The following PLPP1 variants were observed in gnomAD, a reference collection of about 807,000 sequenced individuals.
PLPP1 encodes lipid phosphate phosphohydrolase 1a.
Under a neutral mutation model 31.2 loss-of-function variants are expected in PLPP1, and 24 were observed. The observed-to-expected ratio is 0.77, with a 90% CI of 0.56 to 1.08. PLPP1 has a LOEUF of 1.08. Ranked by LOEUF, PLPP1 falls within the 50% of genes least tolerant of loss-of-function variation. The pLI is 0.00. For synonymous variants in PLPP1, 146 were observed against 126.3 expected (o/e 1.16, Z -1.05); for missense variants, 319 against 342.7 (o/e 0.93, Z 0.55).
chr5:55,503,557 C>T (rs536746686), intron 1 of PLPP1, among the ~76,000 whole-genome samples: 29 of 151,130 alleles, frequency 1.9e-4, no homozygotes, highest in African/African-American at 6.6e-4. Flanking sequence ...AGGCAGATCA[C>T]CTGAGGTCAG....
At chr5:55,481,822 C>G (rs2111827757) in intron 1 of PLPP1, among the ~76,000 whole-genome samples, 1 of 152,092 alleles carries the variant, frequency 6.6e-6, no homozygotes, top group South Asian at 2.1e-4. Flanking sequence ...AGAATCAGTA[C>G]TTTCCACAAT....
At chr5:55,469,330 A>G (rs1428691775) in intron 2 of PLPP1, among the ~76,000 whole-genome samples, 1 of 151,934 alleles carries the variant, frequency 6.6e-6, no homozygotes, top group Non-Finnish European at 1.5e-5. Context: ...TCTACTAAAA[A>G]TACAAAAAAT....
intron 3 of PLPP1, among the ~76,000 whole-genome samples, chr5:55,442,711 A>G (rs1751652524): frequency 6.6e-6 from 1 of 152,054 alleles, no homozygotes; most frequent in South Asian, 2.1e-4. Context: ...TTTCCCACCA[A>G]ATTCAGTGCT....
At position 55,475,408 on chromosome 5, in the gene PLPP1, A is replaced by G; in HGVS notation, c.101T>C (p.Phe34Ser). The G allele has an allele frequency of 6.2e-7, 1 of 1,612,812 alleles. No individual in the cohort carries two copies. Among genetic ancestry groups the G allele is most frequent in the Non-Finnish European group, 8.5e-7 (1 of 1,179,362 alleles). Reference sequence around the variant, plus strand: ...ATCATTACAGAATACTCCTCGTTGGAAGGGGGTATGCCTTGAAGTAAGAAT... The same window carrying G: ...ATCATTACAGAATACTCCTCGTTGGGAGGGGGTATGCCTTGAAGTAAGAAT... ...FAILTSRHTPFQRGVFCNDES... is the reference protein window; with the variant it reads ...FAILTSRHTPSQRGVFCNDES... Residue 34 changes from phenylalanine (F) to serine (S), a missense_variant, in exon 2 of 6, where the codon TTC (phenylalanine) becomes TCC (serine). Phe to Ser is a radical substitution (Grantham distance 155). Coordinates refer to ENST00000307259, the MANE Select transcript of PLPP1 (RefSeq NM_003711.4).
chr5:55,478,033 G>A (rs926085079), intron 1 of PLPP1, among the ~76,000 whole-genome samples: 6 of 151,424 alleles, frequency 4.0e-5, no homozygotes, highest in South Asian at 2.1e-4. Context: ...AATAGGATTC[G>A]AGTCCAAAAC....
Position 55,424,872 on chromosome 5 carries a change from T to C in PLPP1, c.*334A>G. The C allele has an allele frequency of 1.3e-6, 1 of 798,996 alleles. No individual in the cohort carries two copies. The highest frequency in any genetic ancestry group is 2.1e-6 in the Non-Finnish European group (1 of 475,082). 49.5% of individuals were successfully genotyped at this position (798,996 alleles called of 1,614,324 possible). ...GTGTGGATTTGGTTCTCCCATACAT[T>C]TTAATATGTATTATATTTAAATCAA... On this transcript the variant is annotated 3_prime_UTR_variant, in exon 6 of 6. Coordinates refer to ENST00000307259, the MANE Select transcript of PLPP1 (RefSeq NM_003711.4).
intron 4 of PLPP1, among the ~76,000 whole-genome samples, chr5:55,439,211 A>C (rs1401211584): frequency 6.6e-6 from 1 of 152,202 alleles, no homozygotes; most frequent in East Asian, 1.9e-4. Flanking sequence ...CTAATTTGGT[A>C]AGTAAGCAAA....
At chr5:55,508,082 T>C (rs1022452423) in intron 1 of PLPP1, among the ~76,000 whole-genome samples, 1 of 152,092 alleles carries the variant, frequency 6.6e-6, no homozygotes. Context: ...GGTCTCAAAC[T>C]CCTGGCCTCA....
chr5:55,522,689 T>A (rs1260968897), intron 1 of PLPP1, among the ~76,000 whole-genome samples: 1 of 140,754 alleles, frequency 7.1e-6, no homozygotes, highest in African/African-American at 2.6e-5. Context: ...TCTAAAATAA[T>A]CATTTTGTTT....
intron 1 of PLPP1, among the ~76,000 whole-genome samples, chr5:55,524,244 C>G (rs1457069261): frequency 6.6e-6 from 1 of 152,104 alleles, no homozygotes; most frequent in East Asian, 1.9e-4. Context: ...CACACTAACA[C>G]TAACAATAGC....
intron 3 of PLPP1, among the ~76,000 whole-genome samples, chr5:55,462,768 G>A (rs1272977651): frequency 6.6e-6 from 1 of 151,986 alleles, no homozygotes. Context: ...GGTAAGGAGA[G>A]CAAGACCATC....
At chr5:55,505,971 C>T (rs967021920) in intron 1 of PLPP1, among the ~76,000 whole-genome samples, 7 of 152,148 alleles carry the variant, frequency 4.6e-5, no homozygotes, top group African/African-American at 1.7e-4. Flanking sequence ...GCAGGAGAAT[C>T]GCTTGAACCT....
chr5:55,480,062 C>T (rs2111823632), intron 1 of PLPP1, among the ~76,000 whole-genome samples: 1 of 152,276 alleles, frequency 6.6e-6, no homozygotes, highest in African/African-American at 2.4e-5. Flanking sequence ...GAAATGCAAA[C>T]ATTTAAATAG....
chr5:55,502,578 T>A (rs1245525960), intron 1 of PLPP1, among the ~76,000 whole-genome samples: 7 of 152,208 alleles, frequency 4.6e-5, no homozygotes, highest in Admixed American at 1.3e-4. Flanking sequence ...ATATGGCTAG[T>A]GTGACTGAAG....
chr5:55,509,313 G>A (rs1395306888), intron 1 of PLPP1, among the ~76,000 whole-genome samples: 2 of 152,206 alleles, frequency 1.3e-5, no homozygotes, highest in East Asian at 3.8e-4. Flanking sequence ...TGATAGCACT[G>A]TACAGTATAT....
chr5:55,425,198 G>C lies in PLPP1; in HGVS notation c.*8C>G, dbSNP rs1751143227. ...CAGGCCAGCTTCACCTGGGCACCCT[G>C]CTGCCTTTCAAGGCTGGTGATTGCT... On this transcript the variant is annotated 3_prime_UTR_variant, in exon 6 of 6. Transcript: ENST00000307259. The C allele has an allele frequency of 2.5e-6, 4 of 1,611,530 alleles. No individual in the cohort carries two copies. The highest frequency in any genetic ancestry group is 3.4e-6 in the Non-Finnish European group (4 of 1,179,352).
intron 1 of PLPP1, among the ~76,000 whole-genome samples, chr5:55,488,699 C>A (rs1752825367): frequency 1.3e-5 from 2 of 152,044 alleles, no homozygotes; most frequent in Non-Finnish European, 2.9e-5. Context: ...AAAAATGTGT[C>A]AAACTAAAGG....
chr5:55,479,629 TC>T (rs979865416), intron 1 of PLPP1, among the ~76,000 whole-genome samples: 6 of 39,472 alleles, frequency 1.5e-4, no homozygotes, highest in African/African-American at 3.3e-4. Context: ...ACTAGCCTGG[TC>T]CCTGAACCGG....
At chr5:55,501,306 TC>T (rs921368057) in intron 1 of PLPP1, among the ~76,000 whole-genome samples, 27 of 151,688 alleles carry the variant, frequency 1.8e-4, no homozygotes, top group Non-Finnish European at 3.1e-4. Flanking sequence ...AAAGCAAGAC[TC>T]CGTCTCAAAA....
Sources: gnomAD v4.1 joint callset for allele counts (sites outside exome capture counted in the v4.1 genomes callset) on GRCh38, gnomAD v4.1.1 for gene constraint, MANE v1.5 for transcripts, NCBI Gene and HGNC (gene_info 2026-07-23, HGNC 2026-07-21) for gene names.